TCEA2: variants seen among roughly 807,000 people sequenced by gnomAD.
TCEA2 encodes the protein transcription elongation factor A2.
Under a neutral mutation model 40.8 loss-of-function variants are expected in TCEA2, and 21 were observed. The ratio of observed to expected loss-of-function variants is 0.51; its 90% CI spans 0.36 to 0.74. The LOEUF is 0.74. Among genes scored for constraint, TCEA2 ranks in the 30% least tolerant of loss-of-function variants. TCEA2 has a pLI of 0.00. For synonymous variants in TCEA2, 165 were observed against 162.7 expected (o/e 1.01, Z -0.11); for missense variants, 326 against 426.5 (o/e 0.76, Z 2.08).
At chr20:64,059,792 C>T (rs964160668), upstream of TCEA2, among the ~76,000 whole-genome samples, 3 of 152,126 alleles carry the variant, frequency 2.0e-5, no homozygotes, top group Non-Finnish European at 4.4e-5. Context: ...TAAAAGCATC[C>T]CTCATGCAAA....
upstream of TCEA2, among the ~76,000 whole-genome samples, chr20:64,059,028 T>C (rs1206177450): frequency 1.3e-5 from 2 of 151,978 alleles, no homozygotes; most frequent in Non-Finnish European, 2.9e-5. Context: ...TCGTCTCTAC[T>C]AAAAATACAA....
At chr20:64,071,387 C>T (rs2059831119) in intron 8 of TCEA2, among the ~76,000 whole-genome samples, 1 of 151,992 alleles carries the variant, frequency 6.6e-6, no homozygotes, top group African/African-American at 2.4e-5. Context: ...GAGGCGGCCG[C>T]TGCACCTGGC....
intron 1 of TCEA2, chr20:64,065,976 C>A (rs1283030392): frequency 6.5e-6 from 1 of 154,432 alleles, no homozygotes; most frequent in African/African-American, 2.4e-5. Context: ...CTGGGTTGGC[C>A]CTTCACAGCT....
At chr20:64,063,427 C>T (rs2059614175) in intron 1 of TCEA2, 43 bp downstream of exon 1, 3 of 1,538,344 alleles carry the variant, frequency 2.0e-6, no homozygotes, top group South Asian at 1.2e-5. Context: ...CCCCGCCCCG[C>T]CGAGACCCCG....
chr20:64,067,143 G>C lies in TCEA2; in HGVS notation c.241+123G>C, dbSNP rs898521612. The C allele has an allele frequency of 1.2e-5, 12 of 994,452 alleles. No homozygotes were observed. In the African/African-American group the frequency reaches 1.9e-4, roughly 16 times the overall value. The allele number at this position is 994,452 out of a possible 1,614,324, so 61.6% of individuals were successfully genotyped here. ...CCTGAGCCAGGTCGCTTGGGAGTGG[G>C]GCAGTGGCAAACCCAGACCATGAAG... is the stretch of plus-strand genomic sequence containing the variant. On this transcript the variant is annotated intron_variant, in intron 3 of 9. Transcript: ENST00000343484.
chr20:64,072,142 A>G, intron 9 of TCEA2, 30 bp from the exon 10 acceptor site: 1 of 1,613,228 alleles, frequency 6.2e-7, no homozygotes, highest in Non-Finnish European at 8.5e-7. Flanking sequence ...TGTGGCCACA[A>G]GGCTGGAGGC....
chr20:64,061,422 TCC>T (rs2059563426), upstream of TCEA2, among the ~76,000 whole-genome samples: 1 of 151,980 alleles, frequency 6.6e-6, no homozygotes. Flanking sequence ...ACTACAGGCG[TCC>T]GCCACCACGC....
At position 64,070,296 on chromosome 20, in the gene TCEA2, A is replaced by C; in HGVS notation, c.554A>C (p.Tyr185Ser). The change falls in exon 7 of 10, where the codon TAT becomes TCT. Residue 185 changes from tyrosine (Y) to serine (S), a missense_variant. Physicochemically the swap from Tyr to Ser is moderately radical, Grantham distance 144. Coordinates refer to ENST00000343484, the MANE Select transcript of TCEA2 (RefSeq NM_003195.6). The part of the protein sequence containing the change: ...FRDVGNTDMK[Y>S]KNRVRSRISN... ...GACGTTGGAAACACAGACATGAAGT[A>C]TAAGAACCGTGTACGGAGTCGTATC... The C allele has an allele frequency of 6.2e-7, 1 of 1,614,222 alleles. No homozygotes were observed. Among genetic ancestry groups the C allele is most frequent in the Non-Finnish European group, 8.5e-7 (1 of 1,180,026 alleles).
At chr20:64,060,655 A>C (rs1035123645), upstream of TCEA2, among the ~76,000 whole-genome samples, 1 of 152,200 alleles carries the variant, frequency 6.6e-6, no homozygotes, top group African/African-American at 2.4e-5. Context: ...CTATGTCCCC[A>C]GCTCACTGTG....
intron 4 of TCEA2, among the ~76,000 whole-genome samples, chr20:64,068,603 C>T (rs1384100274): frequency 6.6e-6 from 1 of 152,256 alleles, no homozygotes; most frequent in Non-Finnish European, 1.5e-5. Flanking sequence ...GGCTCTGTGG[C>T]CTGCAGCTGG....
chr20:64,060,149 T>C (rs1293470784), upstream of TCEA2, among the ~76,000 whole-genome samples: 1 of 152,238 alleles, frequency 6.6e-6, no homozygotes, highest in East Asian at 1.9e-4. Context: ...AGTTCTCCTC[T>C]GTGCTGTCTG....
At chr20:64,070,132 G>A in intron 6 of TCEA2, 128 bp from the exon 7 acceptor site, 1 of 1,398,066 alleles carries the variant, frequency 7.2e-7, no homozygotes, top group Non-Finnish European at 9.9e-7. Context: ...GGTGTGGGTG[G>A]GCAGACCGAC....
upstream of TCEA2, chr20:64,062,564 G>C (rs996318831): frequency 6.6e-6 from 1 of 152,288 alleles, no homozygotes; most frequent in African/African-American, 2.4e-5. Context: ...CCTGGTAGCT[G>C]ACTTTGCAGG....
At chr20:64,061,431 A>G (rs1462748097), upstream of TCEA2, among the ~76,000 whole-genome samples, 1 of 152,018 alleles carries the variant, frequency 6.6e-6, no homozygotes, top group Non-Finnish European at 1.5e-5. Context: ...GTCCGCCACC[A>G]CGCCCGGCTA....
At chr20:64,070,820 T>C (rs530204019) in intron 8 of TCEA2, among the ~76,000 whole-genome samples, 185 bp downstream of exon 8, 1 of 152,338 alleles carries the variant, frequency 6.6e-6, no homozygotes, top group African/African-American at 2.4e-5. Flanking sequence ...ACCTCTGGGC[T>C]CCACGGGGCG....
upstream of TCEA2, among the ~76,000 whole-genome samples, chr20:64,059,255 G>T (rs968952419): frequency 2.0e-5 from 3 of 151,420 alleles, no homozygotes; most frequent in Non-Finnish European, 4.4e-5. Context: ...TTTTCTGTCA[G>T]GGGTTTGGTC....
upstream of TCEA2, among the ~76,000 whole-genome samples, chr20:64,058,751 C>T (rs1011236736): frequency 1.3e-5 from 2 of 152,236 alleles, no homozygotes; most frequent in African/African-American, 4.8e-5. The surrounding 1 kb of genome is among the most constrained non-coding windows in gnomAD (Gnocchi z 6.7). Context: ...CACTGAACAG[C>T]CTCTGCAGTC....
At chr20:64,055,728 G>A (rs892177763), upstream of TCEA2, among the ~76,000 whole-genome samples, 3 of 152,104 alleles carry the variant, frequency 2.0e-5, no homozygotes, top group Non-Finnish European at 4.4e-5. This position sits in a 1 kb window ranked among gnomAD's most constrained non-coding sequence, Gnocchi z 4.0. Flanking sequence ...CGTGAAGACG[G>A]GGCTGTGCGG....
chr20:64,057,265 C>T (rs779756920), upstream of TCEA2: 3 of 152,266 alleles, frequency 2.0e-5, no homozygotes, highest in Admixed American at 1.3e-4. Context: ...AGCCACCCTT[C>T]AGGCTACGTG....
Sources: gnomAD v4.1 joint callset for allele counts (sites outside exome capture counted in the v4.1 genomes callset) on GRCh38, gnomAD v4.1.1 for gene constraint, Gnocchi (gnomAD v3.1) non-coding constraint, MANE v1.5 for transcripts, NCBI Gene and HGNC (gene_info 2026-07-23, HGNC 2026-07-21) for gene names.